Variants in DPYD observed in about 807,000 individuals in gnomAD.
DPYD encodes dihydropyrimidine dehydrogenase [NADP(+)].
DPYD carries 109 observed loss-of-function variants against 116.2 expected under a neutral mutation model. The ratio of observed to expected loss-of-function variants is 0.94; its 90% CI spans 0.80 to 1.10. The LOEUF (loss-of-function observed/expected upper bound fraction) is 1.10. DPYD is among the 50% of genes least tolerant of loss of function. The pLI is 0.00. For synonymous variants in DPYD, 440 were observed against 432.0 expected (o/e 1.02, Z -0.23); for missense variants, 1,302 against 1,254.5 (o/e 1.04, Z -0.57).
intron 20 of DPYD, among the ~76,000 whole-genome samples, chr1:97,100,429 A>G (rs891744672): frequency 3.9e-5 from 6 of 152,026 alleles, no homozygotes; most frequent in African/African-American, 2.4e-5. Context: ...GGGCATCTCA[A>G]TCCTAATCTA....
chr1:97,535,576 T>C (rs1310646932), intron 12 of DPYD, among the ~76,000 whole-genome samples: 2 of 152,206 alleles, frequency 1.3e-5, no homozygotes, highest in Non-Finnish European at 1.5e-5. Context: ...GCTATATGGG[T>C]AAGGAAATAT....
rs547552974 is a variant in DPYD, at chr1:97,141,876, G to A, written c.2623-43244C>T. ...GCATTACAGAACCCTCCGGGGTCAG[G>A]GGAGGAGTTACTGACTCCTTTGCCA... On this transcript the variant is annotated intron_variant, in intron 20 of 22. Coordinates refer to ENST00000370192, the MANE Select transcript of DPYD (RefSeq NM_000110.4). 7.5e-4 allele frequency among the ~76,000 whole-genome samples: 114 copies of A among 152,180 alleles called. 1 individual carries two copies. The highest frequency in any genetic ancestry group is 2.6e-3 in the African/African-American group (109 of 41,532).
Position 97,515,804 on chromosome 1 carries a change from G to A in DPYD, c.1662C>T (p.Ala554=), listed in dbSNP as rs778701084. The A allele has an allele frequency of 1.2e-6, 2 of 1,612,940 alleles. No homozygotes were observed. The highest frequency in any genetic ancestry group is 1.1e-5 in the South Asian group (1 of 91,062). ...NPFGLASATP[A]TSTSMIRRAF... Reference sequence around the variant, plus strand: ...CTCTTCGAATCATTGATGTGCTGGTGGCTGGAGTTGCGCTAGCAAGACCAA... The same window carrying A: ...CTCTTCGAATCATTGATGTGCTGGTAGCTGGAGTTGCGCTAGCAAGACCAA... Residue 554 remains alanine (A), a synonymous_variant, in exon 13 of 23, where the codon GCC becomes GCT. Coordinates refer to ENST00000370192, the MANE Select transcript of DPYD (RefSeq NM_000110.4).
intron 11 of DPYD, among the ~76,000 whole-genome samples, chr1:97,555,746 C>T (rs1445234615): frequency 6.6e-6 from 1 of 152,056 alleles, no homozygotes; most frequent in East Asian, 1.9e-4. Context: ...CTTTTTAATA[C>T]CACTAAGGAA....
intron 10 of DPYD, among the ~76,000 whole-genome samples, chr1:97,577,529 CTCTCTT>C (rs1460510657): frequency 6.6e-6 from 1 of 152,118 alleles, no homozygotes; most frequent in Non-Finnish European, 1.5e-5. Flanking sequence ...GTCCCATTTT[CTCTCTT>C]TCTCTTTCTC....
intron 16 of DPYD, among the ~76,000 whole-genome samples, chr1:97,338,893 G>A (rs1343831679): frequency 6.6e-6 from 1 of 152,090 alleles, no homozygotes; most frequent in Non-Finnish European, 1.5e-5. Context: ...CTTGTGGGAG[G>A]GAGGTCAAGC....
At chr1:97,385,715 C>T (rs72728447) in intron 14 of DPYD, among the ~76,000 whole-genome samples, 3 of 151,874 alleles carry the variant, frequency 2.0e-5, no homozygotes, top group Non-Finnish European at 4.4e-5. Flanking sequence ...CAAGAAAAAC[C>T]TTTCTCGTGG....
At position 97,323,319 on chromosome 1, in the gene DPYD, T is replaced by TATGTGTATATGTACACGTATATATAC. The variant is rs1668439835; in HGVS notation, c.2059-17048_2059-17023dup. 4.3e-5 allele frequency among the ~76,000 whole-genome samples: 6 copies of TATGTGTATATGTACACGTATATATAC among 138,950 alleles called. 3 individuals are homozygous for TATGTGTATATGTACACGTATATATAC. Among genetic ancestry groups the TATGTGTATATGTACACGTATATATAC allele is most frequent in the African/African-American group, 1.6e-4 (6 of 36,860 alleles). The allele number at this position is 138,950 out of a possible 152,430, so 91.2% of individuals were successfully genotyped here. A position where few individuals can be genotyped will look rare whatever the true frequency, so the allele number is the denominator to read the frequency against. On this transcript the variant is annotated intron_variant, in intron 16 of 22. Coordinates refer to ENST00000370192, the MANE Select transcript of DPYD (RefSeq NM_000110.4). ...GTGTATATGTACACGTATATATACATATGTGTATATGTACACGTATATATA... is the reference window on the plus strand; with the variant it reads ...GTGTATATGTACACGTATATATACATATGTGTATATGTACACGTATATATACATGTGTATATGTACACGTATATATA...
intron 3 of DPYD, among the ~76,000 whole-genome samples, chr1:97,746,992 TG>T (rs1228380224): frequency 1.3e-5 from 2 of 151,944 alleles, no homozygotes; most frequent in South Asian, 4.1e-4. Flanking sequence ...CTGAAAATTA[TG>T]GGATTGAATG....
intron 3 of DPYD, among the ~76,000 whole-genome samples, chr1:97,809,851 C>T (rs1326530170): frequency 1.3e-5 from 2 of 151,970 alleles, no homozygotes; most frequent in East Asian, 3.9e-4. Flanking sequence ...AAAAGTTGGA[C>T]AAAGCGAGCC....
intron 20 of DPYD, among the ~76,000 whole-genome samples, chr1:97,112,453 G>C (rs1383861430): frequency 6.6e-6 from 1 of 152,128 alleles, no homozygotes; most frequent in Non-Finnish European, 1.5e-5. Flanking sequence ...AGTGCTTAAA[G>C]AATGAAAGCA....
At chr1:97,147,524 G>A (rs1302658793) in intron 20 of DPYD, among the ~76,000 whole-genome samples, 1 of 152,168 alleles carries the variant, frequency 6.6e-6, no homozygotes, top group Admixed American at 6.6e-5. Flanking sequence ...AACTGGCAGT[G>A]ATATGTAAAG....
chr1:97,305,120 T>C, intron 18 of DPYD, 139 bp downstream of exon 18: 1 of 1,258,184 alleles, frequency 7.9e-7, no homozygotes, highest in Admixed American at 1.8e-5. Flanking sequence ...ATCCGTTCTG[T>C]CATAACTATT....
chr1:97,161,759 C>T (rs1337259836), intron 20 of DPYD, among the ~76,000 whole-genome samples: 1 of 123,710 alleles, frequency 8.1e-6, no homozygotes, highest in African/African-American at 3.1e-5. Context: ...GTGTGATGTT[C>T]CCCTTCCTGT....
chr1:97,903,362 G>C (rs1228966925), intron 1 of DPYD, among the ~76,000 whole-genome samples: 1 of 151,756 alleles, frequency 6.6e-6, no homozygotes, highest in Non-Finnish European at 1.5e-5. Context: ...CTAAAATGCA[G>C]GTTATAGAGC....
At chr1:97,837,509 G>A (rs923350325) in intron 2 of DPYD, among the ~76,000 whole-genome samples, 1 of 152,076 alleles carries the variant, frequency 6.6e-6, no homozygotes, top group Non-Finnish European at 1.5e-5. Flanking sequence ...CTGATTGTGT[G>A]CATAAATCAG....
rs559992575 is a variant in DPYD, at chr1:97,544,149, G to T, written c.1524+5411C>A. 2.9e-4 allele frequency among the ~76,000 whole-genome samples: 44 copies of T among 152,250 alleles called. No homozygotes were observed. The South Asian group carries it at 6.0e-3, about 21-fold the overall frequency. On this transcript the variant is annotated intron_variant, in intron 12 of 22. Transcript: ENST00000370192. The stretch of plus-strand genomic sequence containing the variant: ...AGATGACTCTGGCTGCAGTGTAGGG[G>T]CATTGGATTTGACAGGAGAGAAAGT...
intron 13 of DPYD, among the ~76,000 whole-genome samples, chr1:97,483,811 G>A (rs1678457744): frequency 6.6e-6 from 1 of 151,892 alleles, no homozygotes; most frequent in Admixed American, 6.6e-5. Flanking sequence ...TGCCATATAA[G>A]GACACAGAAA....
rs142259547 is a variant in DPYD, at chr1:97,323,371, C to CAT, written c.2059-17076_2059-17075dup. On this transcript the variant is annotated intron_variant, in intron 16 of 22. Transcript: ENST00000370192. ...ATGTGTATATGTACACGTATGTATA[C>CAT]ATGTGTATATGTACACGTATGTATA... Among the ~76,000 whole-genome samples, 416 of 47,174 alleles carry CAT rather than the reference C, an allele frequency of 8.8e-3. 60 individuals carry two copies. The highest frequency in any genetic ancestry group is 0.03 in the African/African-American group (317 of 10,490). The allele number at this position is 47,174 out of a possible 152,430, so 30.9% of individuals were successfully genotyped here. A position where few individuals can be genotyped will look rare whatever the true frequency, so the allele number is the denominator to read the frequency against.
Sources: gnomAD v4.1 joint callset for allele counts (sites outside exome capture counted in the v4.1 genomes callset) on GRCh38, gnomAD v4.1.1 for gene constraint, MANE v1.5 for transcripts, NCBI Gene and HGNC (gene_info 2026-07-23, HGNC 2026-07-21) for gene names.